SLC9A9: variants seen among roughly 807,000 people sequenced by gnomAD.
The protein encoded by SLC9A9 is sodium/hydrogen exchanger 9.
A neutral mutation model predicts 77.8 loss-of-function variants in SLC9A9; 62 were observed. The ratio of observed to expected loss-of-function variants is 0.80; its 90% CI spans 0.65 to 0.98. The LOEUF (loss-of-function observed/expected upper bound fraction) is 0.98. Ranked by LOEUF, SLC9A9 falls within the 50% of genes least tolerant of loss-of-function variation. The pLI is 0.00. For synonymous variants in SLC9A9, 320 were observed against 283.5 expected, an observed-to-expected ratio of 1.13 and a Z score of -1.29; for missense variants, 775 against 774.9, an observed-to-expected ratio of 1.00 and a Z score of 0.00.
At chr3:143,344,364 C>A (rs2032197229) in intron 14 of SLC9A9, 1 of 152,114 alleles carries the variant, frequency 6.6e-6, no homozygotes, top group African/African-American at 2.4e-5. Flanking sequence ...GCAGTCAAGA[C>A]TAAAAGAGAA....
At chr3:143,845,590 A>G (rs2009815734) in intron 1 of SLC9A9, among the ~76,000 whole-genome samples, 1 of 152,216 alleles carries the variant, frequency 6.6e-6, no homozygotes, top group African/African-American at 2.4e-5. Flanking sequence ...TGGACCAGTC[A>G]TGAGTGGCTA....
rs140948085 is a variant in SLC9A9, at chr3:143,519,336, C to A, written c.1090-23888G>T. Among the ~76,000 whole-genome samples, 249 of 152,130 alleles carry A rather than the reference C, an allele frequency of 1.6e-3. 1 individual carries two copies. The highest frequency in any genetic ancestry group is 5.8e-4 in the East Asian group (3 of 5,174). On this transcript the variant is annotated intron_variant, in intron 9 of 15. Transcript: ENST00000316549. ...CTAAAAAAATAAAACAGTGAGAGAG[C>A]AAGCCAGGTGGACATTTGGAAGAGG...
intron 14 of SLC9A9, among the ~76,000 whole-genome samples, chr3:143,342,875 A>G (rs1011076973): frequency 3.3e-5 from 5 of 152,254 alleles, no homozygotes; most frequent in Admixed American, 1.3e-4. Context: ...TTAACCATGC[A>G]TCTCTCTTTG....
intron 14 of SLC9A9, among the ~76,000 whole-genome samples, chr3:143,306,463 A>C (rs1211162333): frequency 3.3e-5 from 5 of 152,234 alleles, no homozygotes; most frequent in African/African-American, 1.2e-4. Flanking sequence ...CAAAGTGTTA[A>C]GTACTGTGCC....
chr3:143,625,958 T>C (rs1221764149), intron 6 of SLC9A9, among the ~76,000 whole-genome samples: 1 of 152,122 alleles, frequency 6.6e-6, no homozygotes, highest in East Asian at 1.9e-4. Context: ...GGGCGAAGGA[T>C]ATGAACAGAC....
chr3:143,490,879 A>T (rs1046876092), intron 11 of SLC9A9, among the ~76,000 whole-genome samples: 1 of 152,190 alleles, frequency 6.6e-6, no homozygotes, highest in African/African-American at 2.4e-5. Context: ...ACAGCTTTTT[A>T]GTGAAAAATC....
At chr3:143,417,287 C>T (rs1457768942) in intron 12 of SLC9A9, among the ~76,000 whole-genome samples, 3 of 151,964 alleles carry the variant, frequency 2.0e-5, no homozygotes, top group African/African-American at 7.3e-5. Context: ...TTGAAATGCC[C>T]CTACTATGGA....
At chr3:143,335,821 T>C (rs536798964) in intron 14 of SLC9A9, among the ~76,000 whole-genome samples, 9 of 152,248 alleles carry the variant, frequency 5.9e-5, no homozygotes, top group Admixed American at 1.3e-4. Flanking sequence ...GAAGAAAACA[T>C]AGAGGAAAGC....
chr3:143,405,069 G>A (rs893785504), intron 12 of SLC9A9, among the ~76,000 whole-genome samples: 2 of 152,132 alleles, frequency 1.3e-5, no homozygotes, highest in East Asian at 3.9e-4. Context: ...GGCATCCAAG[G>A]GGGTGTAACC....
chr3:143,687,438 G>C (rs368959536), intron 5 of SLC9A9, among the ~76,000 whole-genome samples: 1 of 152,236 alleles, frequency 6.6e-6, no homozygotes, highest in South Asian at 2.1e-4. Flanking sequence ...TTAGCAGAGA[G>C]TGGGTTCGGC....
chr3:143,677,920 T>A (rs970339516), intron 5 of SLC9A9, among the ~76,000 whole-genome samples: 1 of 146,336 alleles, frequency 6.8e-6, no homozygotes, highest in African/African-American at 2.5e-5. Context: ...TCTGCCCCCC[T>A]GGTTCGTGTC....
chr3:143,387,683 G>A (rs1372276503), intron 12 of SLC9A9, among the ~76,000 whole-genome samples: 2 of 151,538 alleles, frequency 1.3e-5, no homozygotes, highest in African/African-American at 4.9e-5. Context: ...CACATCTCTT[G>A]TGCACCATAA....
chr3:143,794,443 G>C (rs1008645578), intron 4 of SLC9A9, among the ~76,000 whole-genome samples: 3 of 151,758 alleles, frequency 2.0e-5, no homozygotes, highest in Non-Finnish European at 4.4e-5. Context: ...AGTATATAAC[G>C]TGTGACTTAG....
At chr3:143,636,523 T>G (rs1210193659) in intron 6 of SLC9A9, among the ~76,000 whole-genome samples, 2 of 152,246 alleles carry the variant, frequency 1.3e-5, no homozygotes, top group African/African-American at 4.8e-5. Context: ...TTATTACATG[T>G]GTATATTGCA....
At chr3:143,786,661 A>G (rs938545346) in intron 4 of SLC9A9, among the ~76,000 whole-genome samples, 3 of 152,184 alleles carry the variant, frequency 2.0e-5, no homozygotes, top group African/African-American at 7.2e-5. Context: ...ACTGCTATGC[A>G]GCTTGGGTTG....
At chr3:143,568,308 TG>T (rs969231218) in intron 8 of SLC9A9, among the ~76,000 whole-genome samples, 36 of 152,092 alleles carry the variant, frequency 2.4e-4, no homozygotes, top group African/African-American at 7.7e-4. Flanking sequence ...CAGGGGAGGG[TG>T]GGACACGTTG....
intron 4 of SLC9A9, among the ~76,000 whole-genome samples, chr3:143,696,116 G>T (rs1933633466): frequency 6.6e-6 from 1 of 152,128 alleles, no homozygotes; most frequent in Non-Finnish European, 1.5e-5. Flanking sequence ...CCTGATGATG[G>T]TTTCTTTTGC....
chr3:143,829,216 C>T (rs1576756922), intron 2 of SLC9A9, among the ~76,000 whole-genome samples: 3 of 152,232 alleles, frequency 2.0e-5, no homozygotes, highest in Admixed American at 2.0e-4. Context: ...ACCCCTTCCT[C>T]AAGTCTTCTT....
chr3:143,479,947 C>A (rs984411295), intron 11 of SLC9A9, among the ~76,000 whole-genome samples: 2 of 152,194 alleles, frequency 1.3e-5, no homozygotes, highest in Admixed American at 1.3e-4. Context: ...AAAGAAACTC[C>A]CATTGTGAGT....
Sources: allele counts gnomAD v4.1 joint callset (sites outside exome capture counted in the v4.1 genomes callset), GRCh38; gene constraint gnomAD v4.1.1; transcripts MANE v1.5; gene names NCBI Gene and HGNC (gene_info 2026-07-23, HGNC 2026-07-21).